MACF1: variants seen among roughly 807,000 people sequenced by gnomAD.
The protein encoded by MACF1 is microtubule-actin cross-linking factor 1.
MACF1 carries 193 observed loss-of-function variants against 854.8 expected under a neutral mutation model. The observed-to-expected ratio is 0.23, with a 90% CI of 0.20 to 0.25. The LOEUF is 0.25. Ranked by LOEUF, MACF1 falls within the 10% of genes least tolerant of loss-of-function variation. The probability of loss-of-function intolerance (pLI) is 1.00; values close to 1 mark genes in which losing one functional copy is unlikely to be tolerated. For missense variants in MACF1, 7,722 were observed against 8,929.1 expected (o/e 0.86, Z 5.45); for synonymous variants, 3,185 against 3,226.7 (o/e 0.99, Z 0.44).
At chr1:39,442,118 G>T (rs1329816007) in intron 75 of MACF1, 29 bp from the exon 76 acceptor site, 1 of 1,591,686 alleles carries the variant, frequency 6.3e-7, no homozygotes, top group South Asian at 1.1e-5. Context: ...GGCTTGATTT[G>T]ATGTTAACAT....
chr1:39,424,281 C>A, intron 61 of MACF1, 87 bp downstream of exon 61: 2 of 1,177,972 alleles, frequency 1.7e-6, no homozygotes, highest in Non-Finnish European at 2.3e-6. Context: ...TTGGATGATT[C>A]ATATAGATTT....
chr1:39,410,749 A>C, intron 58 of MACF1: 1 of 1,613,976 alleles, frequency 6.2e-7, no homozygotes, highest in Non-Finnish European at 8.5e-7. Flanking sequence ...TGGTGCTTCA[A>C]ATCCTTCCTT....
intron 1 of MACF1, among the ~76,000 whole-genome samples, chr1:39,223,458 G>A (rs889226683): frequency 3.3e-5 from 5 of 151,896 alleles, no homozygotes; most frequent in African/African-American, 1.2e-4. Flanking sequence ...TTGAGCATTA[G>A]AAAGAATAGA....
chr1:39,309,057 T>G (rs777476600), intron 23 of MACF1, among the ~76,000 whole-genome samples: 5 of 152,236 alleles, frequency 3.3e-5, no homozygotes, highest in Admixed American at 6.5e-5. Context: ...AACATTGATA[T>G]AATCCTTTTT....
At position 39,469,577 on chromosome 1, in the gene MACF1, C is replaced by T; in HGVS notation, c.21920C>T (p.Ser7307Phe). Residue 7307 changes from serine to phenylalanine, a missense_variant, in exon 97 of 101, where the codon TCT (serine) becomes TTT (phenylalanine). Ser to Phe is a radical substitution (Grantham distance 155). This residue lies in a region of MACF1 where 153 missense variants were observed against 342.5 expected (regional missense o/e 0.45). Transcript: ENST00000564288. Reference sequence around the variant, plus strand: ...CATCCTGGGAGTAAAATAAAGCGCTCTGATTCCAGCTCTTCGATTTCCAGT... The same window carrying T: ...CATCCTGGGAGTAAAATAAAGCGCTTTGATTCCAGCTCTTCGATTTCCAGT... ...VHHPGSKIKR[S>F]DSSSSISSQS... is the part of the protein sequence containing the mutation. 6.4e-7 allele frequency: 1 copy of T among 1,550,572 alleles called. No homozygotes were observed. Among genetic ancestry groups the T allele is most frequent in the Non-Finnish European group, 8.7e-7 (1 of 1,146,964 alleles).
Position 39,335,689 on chromosome 1 carries a change from G to A in MACF1, c.9101G>A (p.Gly3034Glu), listed in dbSNP as rs1297398223. ...GGGAAAGAAGCTGATACAGAAATGG[G>A]ATTTTCTATTACTTTTAAAATTGAA... ...EKGKEADTEM[G>E]FSITFKIEES... Residue 3034 changes from glycine to glutamate, a missense_variant, in exon 37 of 101, where the codon GGA becomes GAA. By Grantham distance (98) the Gly-to-Glu change is moderately conservative. Around this residue, in one of 15 missense-constraint regions of MACF1, gnomAD observed 854 missense variants for 852.6 expected, o/e 1.00. Coordinates refer to ENST00000564288, the MANE Select transcript of MACF1 (RefSeq NM_001394062.1). 1 of 1,613,434 alleles carries A rather than the reference G, an allele frequency of 6.2e-7. No homozygotes were observed. The highest frequency in any genetic ancestry group is 8.5e-7 in the Non-Finnish European group (1 of 1,179,876).
rs1643846123 is a variant in MACF1, at chr1:39,430,049, A to G, written c.17111A>G (p.Gln5704Arg). ...GQSPTGEQIP[Q>R]FQQRQKELKK... is the part of the protein sequence containing the mutation. ...TCTCCCACAGGGGAACAGATACCCC[A>G]GTTTCAGCAGAGACAGAAGGTGAGC... The change falls in exon 65 of 101, where the codon CAG (glutamine) becomes CGG (arginine). Residue 5704 changes from glutamine to arginine, a missense_variant. Coordinates refer to ENST00000564288, the MANE Select transcript of MACF1 (RefSeq NM_001394062.1). 2 of 1,613,868 alleles carry G rather than the reference A, an allele frequency of 1.2e-6. No homozygotes were observed. The highest frequency in any genetic ancestry group is 1.7e-6 in the Non-Finnish European group (2 of 1,179,840).
intron 2 of MACF1, 48 bp from the exon 3 acceptor site, chr1:39,249,966 A>C: frequency 2.8e-6 from 3 of 1,071,146 alleles, no homozygotes; most frequent in Non-Finnish European, 4.3e-6. Flanking sequence ...GGATAGTATA[A>C]TAATTCAATA....
At chr1:39,452,483 C>T in intron 86 of MACF1, 133 bp downstream of exon 86, 1 of 1,112,188 alleles carries the variant, frequency 9.0e-7, no homozygotes. Flanking sequence ...TCTGAATGTT[C>T]TATAAAATTT....
At chr1:39,412,237 C>G (rs1245139359) in intron 58 of MACF1, 1 of 1,613,854 alleles carries the variant, frequency 6.2e-7, no homozygotes, top group Non-Finnish European at 8.5e-7. Context: ...TGCTTTTAAT[C>G]ATGAACTAAC....
rs1416045155 is a variant in MACF1, at chr1:39,486,564, G to A, written c.*770G>A. 2.0e-5 allele frequency: 3 copies of A among 152,572 alleles called. No homozygotes were observed. Among genetic ancestry groups the A allele is most frequent in the African/African-American group, 7.2e-5 (3 of 41,434 alleles). 9.5% of individuals were successfully genotyped at this position (152,572 alleles called of 1,614,324 possible). On this transcript the variant is annotated 3_prime_UTR_variant, in exon 101 of 101. Coordinates refer to ENST00000564288, the MANE Select transcript of MACF1 (RefSeq NM_001394062.1). ...TGTGTTCACCAGGACCCAGACCCTT[G>A]GCAAGGGATAGGCTCGTTGGTGACA...
rs778125247 is a variant in MACF1 at position 39,287,431 on chromosome 1, A to C, written c.1654A>C (p.Thr552Pro). ...GAAAGCAGAACCCTTAACCAAGGCAACCCATTCTTCTTCTACCTCCTGGTT... is the reference window on the plus strand; with the variant it reads ...GAAAGCAGAACCCTTAACCAAGGCACCCCATTCTTCTTCTACCTCCTGGTT... ...HLKAEPLTKA[T>P]HSSSTSWFRK... is the part of the protein sequence containing the mutation. The change falls in exon 15 of 101, where the codon ACC becomes CCC. Residue 552 changes from threonine to proline, a missense_variant. By Grantham distance (38) the Thr-to-Pro change is conservative (BLOSUM62 -1). This residue lies in a region of MACF1 where 1,137 missense variants were observed against 1,263.0 expected (regional missense o/e 0.90). Transcript: ENST00000564288. 3.1e-6 allele frequency: 5 copies of C among 1,613,864 alleles called. No homozygotes were observed. Among genetic ancestry groups the C allele is most frequent in the Non-Finnish European group, 4.2e-6 (5 of 1,179,982 alleles).
At chr1:39,393,017 T>C (rs920332739) in intron 58 of MACF1, among the ~76,000 whole-genome samples, 1 of 151,840 alleles carries the variant, frequency 6.6e-6, no homozygotes, top group East Asian at 1.9e-4. Flanking sequence ...GAAAAGACTT[T>C]GGCAAATCTC....
At chr1:39,293,914 C>T (rs1411601252) in intron 18 of MACF1, among the ~76,000 whole-genome samples, 1 of 152,050 alleles carries the variant, frequency 6.6e-6, no homozygotes, top group Non-Finnish European at 1.5e-5. Flanking sequence ...AGATTATAGG[C>T]TTTGGAGTGC....
At chr1:39,437,257 T>TC (rs36121387) in intron 70 of MACF1, among the ~76,000 whole-genome samples, 59,098 of 149,758 alleles carry the variant, frequency 0.39, 13,681 homozygotes, top group African/African-American at 0.65. Flanking sequence ...TTTTTTTTTT[T>TC]TAATGGGCCA....
chr1:39,439,960 ATTACATTTC>A (rs1476231065), intron 72 of MACF1, among the ~76,000 whole-genome samples: 4 of 152,090 alleles, frequency 2.6e-5, no homozygotes, highest in Non-Finnish European at 5.9e-5. Context: ...TGCTCATTAT[ATTACATTTC>A]TTAAATGTAG....
intron 2 of MACF1, among the ~76,000 whole-genome samples, chr1:39,194,972 G>A (rs1257877705): frequency 5.9e-5 from 9 of 152,154 alleles, no homozygotes; most frequent in Admixed American, 5.9e-4. Flanking sequence ...GGGATTACAG[G>A]GGTGAGCCAC....
intron 33 of MACF1, among the ~76,000 whole-genome samples, chr1:39,323,900 T>C (rs1646561488): frequency 6.6e-6 from 1 of 152,212 alleles, no homozygotes; most frequent in Admixed American, 6.5e-5. Context: ...AGATGCTATA[T>C]GTGAAGAGAT....
chr1:39,223,515 ATT>A (rs767574940), intron 1 of MACF1, among the ~76,000 whole-genome samples: 3 of 144,968 alleles, frequency 2.1e-5, no homozygotes, highest in Non-Finnish European at 4.6e-5. Context: ...ATGCTATTTA[ATT>A]TTTTTTTTTT....
Sources: allele counts gnomAD v4.1 joint callset (sites outside exome capture counted in the v4.1 genomes callset), GRCh38; gene constraint gnomAD v4.1.1; regional missense constraint gnomAD v4.1.1; transcripts MANE v1.5; gene names NCBI Gene and HGNC (gene_info 2026-07-23, HGNC 2026-07-21).